The following THSD4 variants were observed in gnomAD, a reference collection of about 807,000 sequenced individuals.
The protein encoded by THSD4 is thrombospondin type-1 domain-containing protein 4.
THSD4 carries 69 observed loss-of-function variants against 119.0 expected under a neutral mutation model. The ratio of observed to expected loss-of-function variants is 0.58; its 90% CI spans 0.48 to 0.71. The LOEUF (loss-of-function observed/expected upper bound fraction) is 0.71. THSD4 is among the 30% of genes least tolerant of loss of function. The pLI is 0.00. For missense variants in THSD4, 1,393 were observed against 1,391.1 expected (o/e 1.00, Z -0.02); for synonymous variants, 524 against 540.4 (o/e 0.97, Z 0.42).
At chr15:71,752,514 A>G (rs2053465602) in intron 14 of THSD4, among the ~76,000 whole-genome samples, 1 of 152,244 alleles carries the variant, frequency 6.6e-6, no homozygotes, top group Admixed American at 6.5e-5. Context: ...TACCCTCAGA[A>G]TAGATCATGA....
At chr15:71,702,431 G>A (rs2052310052) in intron 8 of THSD4, among the ~76,000 whole-genome samples, 1 of 152,128 alleles carries the variant, frequency 6.6e-6, no homozygotes, top group African/African-American at 2.4e-5. Context: ...GTGTAAGGAA[G>A]GGGAGGCCCA....
chr15:71,271,813 G>T (rs1306826597), intron 6 of THSD4, among the ~76,000 whole-genome samples: 1 of 152,062 alleles, frequency 6.6e-6, no homozygotes, highest in Non-Finnish European at 1.5e-5. Context: ...ACTCAAAAAT[G>T]TGTAGTATCA....
At chr15:71,344,038 C>CT (rs34729777) in intron 6 of THSD4, among the ~76,000 whole-genome samples, 2,464 of 120,512 alleles carry the variant, frequency 0.02, 37 homozygotes, top group African/African-American at 0.031. Flanking sequence ...AGCCAGGATT[C>CT]TTTTTTTTTT....
chr15:71,349,981 C>T (rs1023633446), intron 6 of THSD4, among the ~76,000 whole-genome samples: 8 of 151,952 alleles, frequency 5.3e-5, no homozygotes, highest in African/African-American at 1.9e-4. Flanking sequence ...TAATGCAAAT[C>T]GGTTTATGGA....
intron 3 of THSD4, among the ~76,000 whole-genome samples, chr15:71,156,942 AC>A (rs946334337): frequency 6.6e-6 from 1 of 151,918 alleles, no homozygotes; most frequent in Non-Finnish European, 1.5e-5. Flanking sequence ...GGAAATTGGC[AC>A]CCCCCTCCCC....
chr15:71,763,889 AC>A (rs1338918144), intron 15 of THSD4, among the ~76,000 whole-genome samples: 5 of 152,144 alleles, frequency 3.3e-5, no homozygotes, highest in African/African-American at 1.2e-4. Flanking sequence ...ACATGGCAAA[AC>A]CCCATCTCTA....
intron 6 of THSD4, among the ~76,000 whole-genome samples, chr15:71,354,596 G>C (rs2045784515): frequency 6.6e-6 from 1 of 152,186 alleles, no homozygotes; most frequent in Admixed American, 6.5e-5. Context: ...CATTGAAGGA[G>C]CTTGGTTCAT....
chr15:71,683,600 G>T (rs560582517), intron 8 of THSD4, among the ~76,000 whole-genome samples: 1 of 152,332 alleles, frequency 6.6e-6, no homozygotes, highest in South Asian at 2.1e-4. Context: ...CTTAAGGAAT[G>T]TGATCCTTGA....
chr15:71,485,466 G>T (rs1440846716), intron 7 of THSD4, among the ~76,000 whole-genome samples: 1 of 152,156 alleles, frequency 6.6e-6, no homozygotes, highest in Non-Finnish European at 1.5e-5. Flanking sequence ...GTGGTTCAGT[G>T]GTAGAAGAGG....
chr15:71,563,832 T>A (rs1457986515), intron 7 of THSD4, among the ~76,000 whole-genome samples: 1 of 152,136 alleles, frequency 6.6e-6, no homozygotes, highest in Non-Finnish European at 1.5e-5. Flanking sequence ...GTGAGTGAAC[T>A]CTTTATCCCG....
intron 1 of THSD4, among the ~76,000 whole-genome samples, chr15:71,133,948 T>C (rs2040526831): frequency 6.6e-6 from 1 of 152,220 alleles, no homozygotes; most frequent in Non-Finnish European, 1.5e-5. Context: ...AAGCACGGTG[T>C]TTTCCTTAAT....
At chr15:71,409,788 G>C (rs1261179614) in intron 6 of THSD4, among the ~76,000 whole-genome samples, 2 of 152,034 alleles carry the variant, frequency 1.3e-5, no homozygotes, top group Admixed American at 1.3e-4. Context: ...TGTAGTGTAG[G>C]AAAAAGTCAG....
At chr15:71,628,326 A>T (rs1476324990) in intron 7 of THSD4, among the ~76,000 whole-genome samples, 1 of 152,250 alleles carries the variant, frequency 6.6e-6, no homozygotes. Context: ...AAACCTTCTT[A>T]ACTGGATAGT....
In THSD4 at chr15:71,773,986, G is replaced by A. The variant is rs143579244; in HGVS notation, c.2914+2778G>A. 3.9e-3 allele frequency among the ~76,000 whole-genome samples: 590 copies of A among 152,192 alleles called. 6 individuals carry two copies. Among genetic ancestry groups the A allele is most frequent in the African/African-American group, 0.014 (566 of 41,510 alleles). ...CTCAATTTTTTAAAAAAGACAAGTG[G>A]TCCAGTTTTGTAAAGGATAAAGGAA... On this transcript the variant is annotated intron_variant, in intron 17 of 17. Coordinates refer to ENST00000261862, the MANE Select transcript of THSD4 (RefSeq NM_024817.3).
At chr15:71,280,559 G>T (rs2044639235) in intron 6 of THSD4, among the ~76,000 whole-genome samples, 1 of 152,166 alleles carries the variant, frequency 6.6e-6, no homozygotes, top group Non-Finnish European at 1.5e-5. Context: ...CTGCACAGCA[G>T]CCAAATTCCT....
chr15:71,312,720 T>G (rs555296476), intron 6 of THSD4, among the ~76,000 whole-genome samples: 34 of 152,168 alleles, frequency 2.2e-4, no homozygotes, highest in African/African-American at 7.0e-4. Flanking sequence ...CTCACTCCAC[T>G]CTAGCACGAC....
intron 6 of THSD4, among the ~76,000 whole-genome samples, chr15:71,299,910 G>A (rs1221077710): frequency 6.7e-6 from 1 of 149,296 alleles, no homozygotes; most frequent in Non-Finnish European, 1.5e-5. Context: ...ATTGTTTGAG[G>A]CCAGGAGTTT....
At chr15:71,154,771 C>A (rs1038058802) in intron 2 of THSD4, 92 bp from the exon 3 acceptor site, 45 of 1,290,714 alleles carry the variant, frequency 3.5e-5, no homozygotes, top group Non-Finnish European at 4.8e-5. Flanking sequence ...GTTCCCCCCC[C>A]ATCCACTGAT....
intron 3 of THSD4, among the ~76,000 whole-genome samples, chr15:71,198,291 G>GAAAT (rs1324493216): frequency 1.5e-3 from 225 of 152,326 alleles, no homozygotes; most frequent in African/African-American, 5.2e-3. Flanking sequence ...GCTGGAGAAT[G>GAAAT]CGGTGGGGAA....
Sources: allele counts gnomAD v4.1 joint callset (sites outside exome capture counted in the v4.1 genomes callset), GRCh38; gene constraint gnomAD v4.1.1; transcripts MANE v1.5; gene names NCBI Gene and HGNC (gene_info 2026-07-23, HGNC 2026-07-21).